RPL34: variants seen among roughly 807,000 people sequenced by gnomAD.
RPL34 encodes the protein large ribosomal subunit protein eL34.
A neutral mutation model predicts 16.3 loss-of-function variants in RPL34; 2 were observed. That is an observed-to-expected ratio of 0.12 (90% CI 0.05 to 0.39). The LOEUF is 0.39. Among genes scored for constraint, RPL34 ranks in the 10% least tolerant of loss-of-function variants. The probability of loss-of-function intolerance (pLI) is 0.99; values close to 1 mark genes in which losing one functional copy is unlikely to be tolerated. For synonymous variants in RPL34, 47 were observed against 48.5 expected (o/e 0.97, Z 0.13); for missense variants, 82 against 148.8 (o/e 0.55, Z 2.33).
At chr4:108,620,677 G>C (rs182057467) in intron 1 of RPL34, 77 bp downstream of exon 1, 1 of 243,268 alleles carries the variant, frequency 4.1e-6, no homozygotes, top group Non-Finnish European at 8.6e-6. Flanking sequence ...AGGAAGCCTA[G>C]AGCTCTCAGA....
downstream of RPL34, among the ~76,000 whole-genome samples, chr4:108,627,040 C>A (rs1440025242): frequency 6.6e-6 from 1 of 152,026 alleles, no homozygotes; most frequent in Admixed American, 6.5e-5. Flanking sequence ...GAGATCGAGA[C>A]CATCCTGTCT....
In RPL34 at chr4:108,623,325, T is replaced by C. The variant is rs1199036569; in HGVS notation, c.269+707T>C. ...CCAGCCTGGGCAACAGGAGCGAAACTCTGTCTCAAAAAAAAAAGGGAAAGA... is the reference window on the plus strand; with the variant it reads ...CCAGCCTGGGCAACAGGAGCGAAACCCTGTCTCAAAAAAAAAAGGGAAAGA... On this transcript the variant is annotated intron_variant, in intron 4 of 4. Transcript: ENST00000394667. The C allele has an allele frequency of 2.6e-5, 4 of 151,838 alleles. No individual in the cohort carries two copies. In the East Asian group the frequency reaches 7.7e-4, roughly 29 times the overall value. 9.4% of individuals were successfully genotyped at this position (151,838 alleles called of 1,614,324 possible).
At chr4:108,623,623 A>G (rs915891395) in intron 4 of RPL34, among the ~76,000 whole-genome samples, 1 of 152,072 alleles carries the variant, frequency 6.6e-6, no homozygotes, top group Non-Finnish European at 1.5e-5. Context: ...GTTAGCCAGG[A>G]TGGTCTCTAT....
intron 4 of RPL34, among the ~76,000 whole-genome samples, chr4:108,624,721 C>T (rs1725928627): frequency 1.3e-5 from 2 of 152,108 alleles, no homozygotes; most frequent in Non-Finnish European, 2.9e-5. Flanking sequence ...TATCCCTTTA[C>T]CTTTTAATTT....
chr4:108,628,827 T>A (rs756252105), downstream of RPL34, among the ~76,000 whole-genome samples: 4 of 152,162 alleles, frequency 2.6e-5, no homozygotes, highest in Admixed American at 6.5e-5. Flanking sequence ...CTTACTATTA[T>A]TATTATTATT....
At chr4:108,625,403 G>C, downstream of RPL34, 1 of 486,210 alleles carries the variant, frequency 2.1e-6, no homozygotes, top group Non-Finnish European at 3.7e-6. Flanking sequence ...TGGTTTTTTT[G>C]AGACGGAGTT....
At chr4:108,627,802 C>T (rs969242579), downstream of RPL34, among the ~76,000 whole-genome samples, 1 of 151,154 alleles carries the variant, frequency 6.6e-6, no homozygotes, top group African/African-American at 2.4e-5. Flanking sequence ...GCAGAGGTTG[C>T]ACTGAGCCGA....
chr4:108,621,711 C>T (rs1725783561), intron 1 of RPL34: 4 of 436,466 alleles, frequency 9.2e-6, no homozygotes, highest in Non-Finnish European at 1.7e-5. Context: ...GGAGCCTGGT[C>T]ATCAGAACGT....
downstream of RPL34, among the ~76,000 whole-genome samples, chr4:108,628,122 A>C (rs1013183860): frequency 6.6e-6 from 1 of 152,248 alleles, no homozygotes. Flanking sequence ...CCTGTTGTCA[A>C]CATTCATAGT....
intron 3 of RPL34, 79 bp downstream of exon 3, chr4:108,622,283 C>T: frequency 9.3e-7 from 1 of 1,076,078 alleles, no homozygotes; most frequent in African/African-American, 1.5e-5. Flanking sequence ...TGGAATGAAT[C>T]AAGGAGAGGT....
downstream of RPL34, chr4:108,629,996 G>T (rs897187272): frequency 6.6e-5 from 10 of 152,164 alleles, no homozygotes; most frequent in Non-Finnish European, 1.5e-4. Context: ...TTTATTGCCG[G>T]TAATAATTAT....
intron 3 of RPL34, 95 bp downstream of exon 3, chr4:108,622,299 C>A: frequency 1.0e-6 from 1 of 975,248 alleles, no homozygotes; most frequent in Non-Finnish European, 1.6e-6. Context: ...GAGGTTACCA[C>A]TAAGAGGGTT....
chr4:108,626,639 AT>A (rs1726012208), downstream of RPL34, among the ~76,000 whole-genome samples: 1 of 151,956 alleles, frequency 6.6e-6, no homozygotes, highest in Non-Finnish European at 1.5e-5. Flanking sequence ...GGGTTTTGCC[AT>A]ATTGGCCAGG....
downstream of RPL34, among the ~76,000 whole-genome samples, chr4:108,626,966 G>T (rs796650625): frequency 9.2e-5 from 14 of 152,242 alleles, no homozygotes; most frequent in African/African-American, 3.4e-4. Context: ...CTGGCTGGAC[G>T]CCGTGGTTCA....
chr4:108,622,370 TGA>T, intron 3 of RPL34, 143 bp from the exon 4 acceptor site: 2 of 812,404 alleles, frequency 2.5e-6, no homozygotes, highest in Non-Finnish European at 4.1e-6. Flanking sequence ...TAAACCAATC[TGA>T]GAAATGCAGT....
At chr4:108,627,580 C>T (rs886321672), downstream of RPL34, among the ~76,000 whole-genome samples, 9 of 151,642 alleles carry the variant, frequency 5.9e-5, no homozygotes, top group South Asian at 2.1e-4. Flanking sequence ...AGAATTTAAC[C>T]GCCAGGCGCG....
downstream of RPL34, among the ~76,000 whole-genome samples, chr4:108,627,865 A>T (rs1050453801): frequency 2.2e-4 from 34 of 152,076 alleles, no homozygotes; most frequent in Non-Finnish European, 4.7e-4. Context: ...TCAAAAAAAA[A>T]AAAAAAATTT....
At chr4:108,623,646 T>A (rs541348391) in intron 4 of RPL34, among the ~76,000 whole-genome samples, 1 of 152,306 alleles carries the variant, frequency 6.6e-6, no homozygotes, top group African/African-American at 2.4e-5. Context: ...GACCTCATGA[T>A]CTGTCAGCCT....
chr4:108,629,015 G>A (rs1726101162), downstream of RPL34, among the ~76,000 whole-genome samples: 2 of 151,900 alleles, frequency 1.3e-5, no homozygotes, highest in Admixed American at 6.6e-5. Flanking sequence ...AGACGGGTTC[G>A]CCATGTTGGC....
Sources: gnomAD v4.1 joint callset for allele counts (sites outside exome capture counted in the v4.1 genomes callset) on GRCh38, gnomAD v4.1.1 for gene constraint, MANE v1.5 for transcripts, NCBI Gene and HGNC (gene_info 2026-07-23, HGNC 2026-07-21) for gene names.